NRXN3: variants seen among roughly 807,000 people sequenced by gnomAD.
NRXN3 encodes neurexin III.
Under a neutral mutation model 137.6 loss-of-function variants are expected in NRXN3, and 32 were observed. The ratio of observed to expected loss-of-function variants is 0.23; its 90% CI spans 0.18 to 0.31. NRXN3 has a LOEUF of 0.31. Among genes scored for constraint, NRXN3 ranks in the 10% least tolerant of loss-of-function variants. NRXN3 has a pLI of 1.00. For missense variants in NRXN3, 1,574 were observed against 2,062.5 expected (o/e 0.76, Z 4.59); for synonymous variants, 798 against 784.5 (o/e 1.02, Z -0.29).
intron 15 of NRXN3, among the ~76,000 whole-genome samples, chr14:79,251,613 A>G (rs1568788842): frequency 6.6e-6 from 1 of 152,150 alleles, no homozygotes; most frequent in Non-Finnish European, 1.5e-5. Context: ...GGGTTCCTCC[A>G]CTTAGAGGAA....
intron 17 of NRXN3, among the ~76,000 whole-genome samples, chr14:79,672,811 A>G (rs988533654): frequency 3.3e-5 from 5 of 152,072 alleles, no homozygotes; most frequent in East Asian, 1.9e-4. Flanking sequence ...ATACAAGAGC[A>G]TAGTTTTATT....
intron 15 of NRXN3, among the ~76,000 whole-genome samples, chr14:79,402,077 T>C (rs927843752): frequency 2.0e-5 from 3 of 152,020 alleles, no homozygotes; most frequent in Admixed American, 1.3e-4. Context: ...CTGCAACACC[T>C]GGCTATTTTA....
chr14:78,353,318 T>C (rs1289289283), intron 4 of NRXN3, among the ~76,000 whole-genome samples: 1 of 152,122 alleles, frequency 6.6e-6, no homozygotes, highest in Non-Finnish European at 1.5e-5. Flanking sequence ...GAGTGGCTTG[T>C]AAATGACAGA....
chr14:78,880,777 T>G (rs574632848), intron 10 of NRXN3, among the ~76,000 whole-genome samples: 1 of 152,276 alleles, frequency 6.6e-6, no homozygotes, highest in Non-Finnish European at 1.5e-5. Context: ...ACGCATATGG[T>G]ACATGTGCCT....
chr14:79,130,892 T>G (rs2152959593), intron 15 of NRXN3, among the ~76,000 whole-genome samples: 1 of 152,228 alleles, frequency 6.6e-6, no homozygotes, highest in South Asian at 2.1e-4. Context: ...TTATTCTTTT[T>G]TCTCTAAACT....
At chr14:79,277,896 G>C (rs2080547990) in intron 15 of NRXN3, among the ~76,000 whole-genome samples, 1 of 152,180 alleles carries the variant, frequency 6.6e-6, no homozygotes, top group African/African-American at 2.4e-5. Context: ...GCTTTTGGAG[G>C]ACACCAATTT....
intron 15 of NRXN3, among the ~76,000 whole-genome samples, chr14:79,064,161 G>C (rs931841627): frequency 6.6e-6 from 1 of 152,062 alleles, no homozygotes; most frequent in Non-Finnish European, 1.5e-5. Context: ...ATCTGTGAGC[G>C]GATTATTTGG....
chr14:78,225,671 A>C (rs890685097), intron 1 of NRXN3, among the ~76,000 whole-genome samples: 5 of 151,748 alleles, frequency 3.3e-5, no homozygotes, highest in African/African-American at 1.2e-4. Flanking sequence ...TTTTCCCACT[A>C]TTCGCTCCCA....
chr14:79,172,507 G>A (rs1457619336), intron 15 of NRXN3, among the ~76,000 whole-genome samples: 1 of 152,106 alleles, frequency 6.6e-6, no homozygotes, highest in Non-Finnish European at 1.5e-5. Context: ...TCCTTACCTG[G>A]CACAGCTAAA....
At chr14:79,610,359 C>A (rs929720975) in intron 16 of NRXN3, among the ~76,000 whole-genome samples, 1 of 152,028 alleles carries the variant, frequency 6.6e-6, no homozygotes, top group Non-Finnish European at 1.5e-5. Flanking sequence ...TGTGAAATTC[C>A]TCATATGGTT....
At chr14:78,656,789 A>T (rs2097787831) in intron 6 of NRXN3, among the ~76,000 whole-genome samples, 1 of 152,114 alleles carries the variant, frequency 6.6e-6, no homozygotes, top group African/African-American at 2.4e-5. Flanking sequence ...TACGCCTGTA[A>T]TCCCAGAACT....
At chr14:78,918,684 C>T (rs2099263217) in intron 10 of NRXN3, among the ~76,000 whole-genome samples, 2 of 152,160 alleles carry the variant, frequency 1.3e-5, no homozygotes, top group African/African-American at 4.8e-5. Flanking sequence ...TGACAGGCCA[C>T]ATATACAATG....
intron 15 of NRXN3, among the ~76,000 whole-genome samples, chr14:79,035,666 T>C (rs2099614842): frequency 6.6e-6 from 1 of 152,098 alleles, no homozygotes; most frequent in Non-Finnish European, 1.5e-5. Context: ...ATCTAAATTA[T>C]ATGATTTCCG....
intron 16 of NRXN3, among the ~76,000 whole-genome samples, chr14:79,505,060 C>G (rs1405384885): frequency 6.6e-6 from 1 of 152,018 alleles, no homozygotes; most frequent in East Asian, 1.9e-4. Context: ...ACTAAAAATA[C>G]AAAAATTAGC....
At chr14:79,319,811 A>C (rs1428084809) in intron 15 of NRXN3, among the ~76,000 whole-genome samples, 1 of 152,110 alleles carries the variant, frequency 6.6e-6, no homozygotes, top group Non-Finnish European at 1.5e-5. Flanking sequence ...CTCTTGCATG[A>C]GTTGCATTCT....
intron 14 of NRXN3, among the ~76,000 whole-genome samples, chr14:78,974,275 G>C (rs2099455582): frequency 6.6e-6 from 1 of 152,320 alleles, no homozygotes; most frequent in Admixed American, 6.5e-5. Flanking sequence ...AATCCAAGGA[G>C]ATTGAAGCTC....
intron 15 of NRXN3, among the ~76,000 whole-genome samples, chr14:79,352,435 C>T (rs1311727166): frequency 6.6e-6 from 1 of 152,052 alleles, no homozygotes; most frequent in Non-Finnish European, 1.5e-5. Context: ...AGAACCAAGG[C>T]CTTACTGGTT....
At chr14:79,111,661 C>A (rs1161346192) in intron 15 of NRXN3, among the ~76,000 whole-genome samples, 2 of 151,348 alleles carry the variant, frequency 1.3e-5, no homozygotes, top group African/African-American at 2.4e-5. Context: ...TCTCTTAAAC[C>A]TGGGAGGTGG....
intron 15 of NRXN3, among the ~76,000 whole-genome samples, chr14:79,441,358 CAG>C (rs1205297613): frequency 9.0e-6 from 1 of 111,174 alleles, no homozygotes; most frequent in African/African-American, 3.4e-5. Context: ...CCTGGACAAA[CAG>C]AAAATCTTTT....
Sources: allele counts gnomAD v4.1 joint callset (sites outside exome capture counted in the v4.1 genomes callset), GRCh38; gene constraint gnomAD v4.1.1; transcripts MANE v1.5; gene names NCBI Gene and HGNC (gene_info 2026-07-23, HGNC 2026-07-21).